PCDH19: variants seen among roughly 807,000 people sequenced by gnomAD.
The protein encoded by PCDH19 is protocadherin-19.
In PCDH19, 6 loss-of-function variants were observed where a neutral mutation model predicts 46.2. The ratio of observed to expected loss-of-function variants is 0.13; its 90% CI spans 0.07 to 0.26. The LOEUF (loss-of-function observed/expected upper bound fraction) is 0.26. Among genes scored for constraint, PCDH19 ranks in the 10% least tolerant of loss-of-function variants. PCDH19 has a pLI of 1.00. For missense variants in PCDH19, 740 were observed against 972.3 expected (o/e 0.76, Z 3.18); for synonymous variants, 481 against 415.7 (o/e 1.16, Z -1.91).
chrX:100,364,645 A>C (rs1225420921), intron 3 of PCDH19, among the ~76,000 whole-genome samples: 1 of 111,584 alleles, frequency 9.0e-6, no homozygotes, highest in Non-Finnish European at 1.9e-5. Flanking sequence ...TCTCACCCCC[A>C]CTAGGTTGGA....
intron 3 of PCDH19, among the ~76,000 whole-genome samples, chrX:100,356,758 T>TTCTC (rs60053212): frequency 0.29 from 29,748 of 102,330 alleles, 3,664 homozygotes; most frequent in Middle Eastern, 0.53. Context: ...CCCTAATTCA[T>TTCTC]TCTCTCTCTC....
intron 5 of PCDH19, among the ~76,000 whole-genome samples, chrX:100,306,114 C>T (rs1006512729): frequency 8.9e-6 from 1 of 111,732 alleles, no homozygotes; most frequent in Non-Finnish European, 1.9e-5. Context: ...GCAGAACATA[C>T]ATTCTATTCA....
intron 3 of PCDH19, among the ~76,000 whole-genome samples, chrX:100,374,091 C>T (rs1927304112): frequency 8.9e-6 from 1 of 112,376 alleles, no homozygotes; most frequent in South Asian, 3.7e-4. Context: ...AGGATTCAAG[C>T]ATTATTTTAA....
At position 100,406,996 on chromosome X, in the gene PCDH19, C is replaced by T. The variant is rs370939779; in HGVS notation, c.1602G>A (p.Leu534=). 14 of 1,210,151 alleles carry T rather than the reference C, an allele frequency of 1.2e-5. No individual in the cohort carries two copies. The African/African-American group carries it at 2.4e-4, about 21-fold the overall frequency. Residue 534 remains leucine, a synonymous_variant, in exon 1 of 6, where the codon CTG becomes CTA. Transcript: ENST00000373034. The part of the protein sequence containing the change: ...EQTKAFEFKV[L]AKDGGLPSLQ... ...GTGAGGGAAGGCCGCCGTCCTTGGC[C>T]AGCACCTTGAATTCGAACGCCTTGG... is the stretch of plus-strand genomic sequence containing the variant.
chrX:100,388,095 A>T (rs766266987), intron 3 of PCDH19, among the ~76,000 whole-genome samples: 14 of 111,193 alleles, frequency 1.3e-4, no homozygotes, highest in Non-Finnish European at 2.5e-4. Flanking sequence ...ATACCATTTA[A>T]AAAGTAAAAA....
chrX:100,407,985 T>G lies in PCDH19; in HGVS notation c.613A>C (p.Ser205Arg), dbSNP rs1928445548. The change falls in exon 1 of 6, where the codon AGC becomes CGC. Residue 205 changes from serine to arginine, a missense_variant. Physicochemically the swap from Ser to Arg is moderately radical, Grantham distance 110. Around this residue, in one of 5 missense-constraint regions of PCDH19, gnomAD observed 48 missense variants for 43.2 expected, o/e 1.11. Coordinates refer to ENST00000373034, the MANE Select transcript of PCDH19 (RefSeq NM_001184880.2). Reference sequence around the variant, plus strand: ...CCGTCTAGCGCAGTGATTCGGAAGCTGTAGTGCGACTGCGTCTCGCGGTCC... The same window carrying G: ...CCGTCTAGCGCAGTGATTCGGAAGCGGTAGTGCGACTGCGTCTCGCGGTCC... The part of the protein sequence containing the change: ...SLDRETQSHY[S>R]FRITALDGGD... 1 of 1,208,463 alleles carries G rather than the reference T, an allele frequency of 8.3e-7. No individual in the cohort carries two copies.
chrX:100,296,674 G>A lies in PCDH19; in HGVS notation c.3050C>T (p.Thr1017Ile). ...DCGPTKRTFA[T>I]FGKDVSDHPA... ...GTGGTCGCTGACATCTTTCCCAAAGGTTGCGAAAGTCCGTTTGGTGGGGCC... is the reference window on the plus strand; with the variant it reads ...GTGGTCGCTGACATCTTTCCCAAAGATTGCGAAAGTCCGTTTGGTGGGGCC... Residue 1017 changes from threonine (T) to isoleucine (I), a missense_variant, in exon 6 of 6, where the codon ACC becomes ATC. This residue lies in a region of PCDH19 where 416 missense variants were observed against 476.8 expected (regional missense o/e 0.87). Transcript: ENST00000373034. 2 of 1,211,388 alleles carry A rather than the reference G, an allele frequency of 1.7e-6. No individual in the cohort carries two copies. Among genetic ancestry groups the A allele is most frequent in the Non-Finnish European group, 1.1e-6 (1 of 895,422 alleles).
At chrX:100,376,836 T>C (rs1009265364) in intron 3 of PCDH19, among the ~76,000 whole-genome samples, 4 of 112,440 alleles carry the variant, frequency 3.6e-5, no homozygotes, top group Non-Finnish European at 7.5e-5. Context: ...ATTTACACCA[T>C]TGTGAGACAC....
chrX:100,378,334 C>T (rs1404960489), intron 3 of PCDH19, among the ~76,000 whole-genome samples: 3 of 112,997 alleles, frequency 2.7e-5, no homozygotes, highest in Non-Finnish European at 5.6e-5. Flanking sequence ...TAAGGGGGAA[C>T]CCCAGAGCCC....
At chrX:100,368,889 C>T (rs929113399) in intron 3 of PCDH19, among the ~76,000 whole-genome samples, 1 of 111,349 alleles carries the variant, frequency 9.0e-6, no homozygotes, top group Non-Finnish European at 1.9e-5. Context: ...TCTCTTCCCC[C>T]CAAAGTTTCC....
chrX:100,316,544 T>C (rs1925312885), intron 5 of PCDH19, among the ~76,000 whole-genome samples: 1 of 111,972 alleles, frequency 8.9e-6, no homozygotes. Context: ...CAGGAATACG[T>C]ATGCCCATGT....
intron 5 of PCDH19, among the ~76,000 whole-genome samples, chrX:100,325,369 C>CT (rs72174481): frequency 0.35 from 28,164 of 81,263 alleles, 5,410 homozygotes; most frequent in East Asian, 0.87. Context: ...CTATAATGAT[C>CT]TTTTTTTTTT....
At chrX:100,363,968 A>T (rs1342254696) in intron 3 of PCDH19, among the ~76,000 whole-genome samples, 36 of 107,792 alleles carry the variant, frequency 3.3e-4, no homozygotes, top group Non-Finnish European at 1.3e-4. Flanking sequence ...ATCTGAAATT[A>T]TGTGAAAAGC....
intron 5 of PCDH19, 95 bp from the exon 6 acceptor site, chrX:100,296,970 T>C: frequency 3.6e-6 from 3 of 824,431 alleles, no homozygotes; most frequent in Non-Finnish European, 5.5e-6. Context: ...CCACAGGCCC[T>C]TGTGGGAAAT....
At chrX:100,338,215 G>A (rs1034213925) in intron 5 of PCDH19, among the ~76,000 whole-genome samples, 15 of 107,920 alleles carry the variant, frequency 1.4e-4, no homozygotes, top group East Asian at 2.9e-4. Flanking sequence ...AGTGGCGGGC[G>A]CCTGTAGTCC....
intron 3 of PCDH19, among the ~76,000 whole-genome samples, chrX:100,379,977 C>G (rs1444057996): frequency 8.9e-6 from 1 of 111,944 alleles, no homozygotes; most frequent in South Asian, 3.8e-4. Context: ...ACAAACCATC[C>G]ATCTGAAGCT....
intron 3 of PCDH19, among the ~76,000 whole-genome samples, chrX:100,365,146 G>C (rs1927035160): frequency 9.0e-6 from 1 of 110,660 alleles, no homozygotes; most frequent in African/African-American, 3.3e-5. Flanking sequence ...TTTTTACAAA[G>C]CCTTGACCTA....
Position 100,402,602 on chromosome X carries a change from G to C in PCDH19, c.2538C>G (p.Asn846Lys). ...ENQNTRNTSA[N>K]HIYHHSFNSQ... ...TGTTGAAAGAGTGATGGTAGATGTGGTTAGCACTGGTGTTGCGGGTATTCT... is the reference window on the plus strand; with the variant it reads ...TGTTGAAAGAGTGATGGTAGATGTGCTTAGCACTGGTGTTGCGGGTATTCT... Residue 846 changes from asparagine (N) to lysine (K), a missense_variant, in exon 3 of 6, where the codon AAC (asparagine) becomes AAG (lysine). Coordinates refer to ENST00000373034, the MANE Select transcript of PCDH19 (RefSeq NM_001184880.2). 1 of 1,211,400 alleles carries C rather than the reference G, an allele frequency of 8.3e-7. No homozygotes were observed. Among genetic ancestry groups the C allele is most frequent in the Non-Finnish European group, 1.1e-6 (1 of 895,200 alleles).
chrX:100,323,038 A>G (rs1026287423), intron 5 of PCDH19, among the ~76,000 whole-genome samples: 1 of 108,292 alleles, frequency 9.2e-6, no homozygotes, highest in Non-Finnish European at 1.9e-5. Context: ...CAGCAAGGTT[A>G]GAGGGAAGGA....
Sources: allele counts gnomAD v4.1 joint callset (sites outside exome capture counted in the v4.1 genomes callset), GRCh38; gene constraint gnomAD v4.1.1; regional missense constraint gnomAD v4.1.1; transcripts MANE v1.5; gene names NCBI Gene and HGNC (gene_info 2026-07-23, HGNC 2026-07-21).